Variants in FBXW12 observed in about 807,000 individuals in gnomAD.
FBXW12 encodes F-box/WD repeat-containing protein 12.
FBXW12 carries 43 observed loss-of-function variants against 55.3 expected under a neutral mutation model. The observed-to-expected ratio is 0.78, with a 90% confidence interval of 0.61 to 1.00. The LOEUF is 1.00. FBXW12 is among the 50% of genes least tolerant of loss of function. The pLI is 0.00. For synonymous variants in FBXW12, 184 were observed against 203.8 expected (o/e 0.90, Z 0.83); for missense variants, 524 against 560.5 (o/e 0.93, Z 0.66).
rs750262330 is a variant in FBXW12, at chr3:48,372,846, C to A, written c.79C>A (p.Gln27Lys). Residue 27 changes from glutamine (Q) to lysine (K), a missense_variant, in exon 2 of 11, where the codon CAG becomes AAG. Physicochemically the swap from Gln to Lys is moderately conservative, Grantham distance 53 (BLOSUM62 1). Coordinates refer to ENST00000296438, the MANE Select transcript of FBXW12 (RefSeq NM_207102.2). ...CCTGTTCGGCTTGCTGCAGGTTTCC[C>A]AGGTGAACAAGGTAAAGGCCTTCCA... Reference protein sequence around the residue: ...LDLFGLLQVSQVNKHWNRIAD... With the variant: ...LDLFGLLQVSKVNKHWNRIAD... The A allele has an allele frequency of 6.2e-7, 1 of 1,614,022 alleles. No individual in the cohort carries two copies. The highest frequency in any genetic ancestry group is 2.2e-5 in the East Asian group (1 of 44,904).
chr3:48,386,691 C>A (rs2036852674), intron 10 of FBXW12, among the ~76,000 whole-genome samples: 2 of 152,104 alleles, frequency 1.3e-5, no homozygotes, highest in African/African-American at 2.4e-5. Context: ...GTATATACAT[C>A]TTTTACCGCC....
intron 7 of FBXW12, chr3:48,380,261 C>T (rs1290160156): frequency 1.2e-5 from 2 of 162,268 alleles, no homozygotes; most frequent in African/African-American, 4.8e-5. Flanking sequence ...GAATATGCAA[C>T]AGCCTCTGAA....
Position 48,381,837 on chromosome 3 carries a change from C to G in FBXW12, c.1123C>G (p.Arg375Gly). Residue 375 changes from arginine to glycine, a missense_variant, in exon 9 of 11, where the codon CGA (arginine) becomes GGA (glycine). Coordinates refer to ENST00000296438, the MANE Select transcript of FBXW12 (RefSeq NM_207102.2). ...LFSITGFLLQRFEDHQAAINN... is the reference protein window; with the variant it reads ...LFSITGFLLQGFEDHQAAINN... ...CAGCATCACTGGCTTCCTGCTGCAA[C>G]GATTTGAGGACCATCAGGCAGCCAT... 1 of 1,608,462 alleles carries G rather than the reference C, an allele frequency of 6.2e-7. No homozygotes were observed. The highest frequency in any genetic ancestry group is 1.1e-5 in the South Asian group (1 of 90,504).
chr3:48,388,282 T>G (rs2036874272), intron 10 of FBXW12, among the ~76,000 whole-genome samples: 1 of 152,216 alleles, frequency 6.6e-6, no homozygotes, highest in Admixed American at 6.5e-5. Context: ...TAAGTAACAA[T>G]TAGATCACCT....
chr3:48,387,814 C>T (rs1430939948), intron 10 of FBXW12, among the ~76,000 whole-genome samples: 1 of 152,166 alleles, frequency 6.6e-6, no homozygotes, highest in East Asian at 1.9e-4. Flanking sequence ...ATCTGCCTAT[C>T]TAGGCCTCCC....
rs1014036613 is a variant in FBXW12, at chr3:48,380,585, T to C, written c.775-117T>C. 1.4e-5 allele frequency: 10 copies of C among 736,936 alleles called. No homozygotes were observed. In the African/African-American group the frequency reaches 1.4e-4, roughly 10 times the overall value. 45.6% of individuals were successfully genotyped at this position (736,936 alleles called of 1,614,324 possible). A position where few individuals can be genotyped will look rare whatever the true frequency, so the allele number is the denominator to read the frequency against. On this transcript the variant is annotated intron_variant, in intron 7 of 10. Transcript: ENST00000296438. ...GTGACCACTCATCACTCCTGAGATA[T>C]TGAACAAAGCTTTGGCCACAAGATG... is the stretch of plus-strand genomic sequence containing the variant.
intron 10 of FBXW12, among the ~76,000 whole-genome samples, chr3:48,384,970 T>C (rs2036825858): frequency 6.6e-6 from 1 of 152,294 alleles, no homozygotes; most frequent in South Asian, 2.1e-4. Flanking sequence ...CTTACTTTTG[T>C]GGTAAAAAAT....
In FBXW12 at chr3:48,378,318, G is replaced by T; in HGVS notation, c.407G>T (p.Gly136Val). Residue 136 changes from glycine to valine, a missense_variant and splice_region_variant, in exon 6 of 11, where the codon GGT becomes GTT. By Grantham distance (109) the Gly-to-Val change is moderately radical (BLOSUM62 -3). Coordinates refer to ENST00000296438, the MANE Select transcript of FBXW12 (RefSeq NM_207102.2). ...QELCAWDVQE[G>V]TMIWSSPVQE... ...GGTCGTGTTACTCTCGTTTTCTAGG[G>T]TACCATGATCTGGTCAAGCCCAGTC... 1 of 1,613,484 alleles carries T rather than the reference G, an allele frequency of 6.2e-7. No homozygotes were observed. The highest frequency in any genetic ancestry group is 8.5e-7 in the Non-Finnish European group (1 of 1,179,568).
chr3:48,374,144 C>A (rs1321295818), intron 4 of FBXW12, among the ~76,000 whole-genome samples: 2 of 150,876 alleles, frequency 1.3e-5, no homozygotes, highest in Admixed American at 6.6e-5. Flanking sequence ...CAAAGTGAGA[C>A]CCCCCCTCCA....
In FBXW12 at chr3:48,373,601, GCA is replaced by G. The variant is rs1270998340; in HGVS notation, c.191_192del (p.Thr64MetfsTer22). 1.9e-6 allele frequency: 3 copies of G among 1,613,982 alleles called. No homozygotes were observed. Among genetic ancestry groups the G allele is most frequent in the African/African-American group, 1.3e-5 (1 of 74,896 alleles). ...AGCAACTTCACCAATCAACACCTGG[GCA>G]CACACACATGGAAGCAATTTTTCCT... On this transcript the variant is annotated frameshift_variant, in exon 4 of 11. Transcript: ENST00000296438. LOFTEE classifies it high-confidence loss of function.
At chr3:48,393,850 C>G (rs2036966283) in intron 10 of FBXW12, among the ~76,000 whole-genome samples, 1 of 149,818 alleles carries the variant, frequency 6.7e-6, no homozygotes, top group Admixed American at 6.7e-5. Context: ...GCGATCTCGG[C>G]TCACTACAAC....
chr3:48,387,840 C>T (rs2036869081), intron 10 of FBXW12, among the ~76,000 whole-genome samples: 1 of 152,152 alleles, frequency 6.6e-6, no homozygotes, highest in African/African-American at 2.4e-5. Context: ...TCTGGGATTA[C>T]AGGCATGAGT....
chr3:48,386,351 G>A (rs2036848408), intron 10 of FBXW12, among the ~76,000 whole-genome samples: 1 of 152,202 alleles, frequency 6.6e-6, no homozygotes, highest in African/African-American at 2.4e-5. Flanking sequence ...GTTGGTCACT[G>A]TGCCTGATTT....
chr3:48,373,634 A>G lies in FBXW12; in HGVS notation c.215A>G (p.Gln72Arg). The change falls in exon 4 of 11, where the codon CAA (glutamine) becomes CGA (arginine). Residue 72 changes from glutamine to arginine, a missense_variant. Gln to Arg is a conservative substitution (Grantham distance 43). Coordinates refer to ENST00000296438, the MANE Select transcript of FBXW12 (RefSeq NM_207102.2). ...ACATGGAAGCAATTTTTCCTGCATC[A>G]AAGAAGGAAGGAGCTTCGGTTGGCA... ...THTWKQFFLH[Q>R]RRKELRLALA... The G allele has an allele frequency of 6.2e-7, 1 of 1,614,196 alleles. No homozygotes were observed. Among genetic ancestry groups the G allele is most frequent in the East Asian group, 2.2e-5 (1 of 44,880 alleles).
At chr3:48,380,483 T>C (rs2036749871) in intron 7 of FBXW12, among the ~76,000 whole-genome samples, 1 of 152,224 alleles carries the variant, frequency 6.6e-6, no homozygotes, top group Non-Finnish European at 1.5e-5. Context: ...CTTAGCATGC[T>C]TCAGGGACAT....
At position 48,381,551 on chromosome 3, in the gene FBXW12, G is replaced by C. The variant is rs1252043176; in HGVS notation, c.986-149G>C. 12 of 823,536 alleles carry C rather than the reference G, an allele frequency of 1.5e-5. No homozygotes were observed. The Admixed American group carries it at 4.0e-4, about 27-fold the overall frequency. The allele number at this position is 823,536 out of a possible 1,614,324, so 51.0% of individuals were successfully genotyped here. ...GTGATATGTATTTGTCAGGCCACTG[G>C]ACTACCCTTCATTTTCTTCCCCGGA... is the stretch of plus-strand genomic sequence containing the variant. On this transcript the variant is annotated intron_variant, in intron 8 of 10. Coordinates refer to ENST00000296438, the MANE Select transcript of FBXW12 (RefSeq NM_207102.2).
chr3:48,385,295 C>T (rs572223072), intron 10 of FBXW12, among the ~76,000 whole-genome samples: 67 of 152,036 alleles, frequency 4.4e-4, no homozygotes, highest in African/African-American at 1.5e-3. Flanking sequence ...TGCTGTTGCA[C>T]GTGACAAGAT....
chr3:48,385,289 GTTGCACGTGACAAGATTC>G (rs2036830902), intron 10 of FBXW12, among the ~76,000 whole-genome samples: 1 of 151,924 alleles, frequency 6.6e-6, no homozygotes, highest in Non-Finnish European at 1.5e-5. Context: ...CATCCATGCT[GTTGCACGTGACAAGATTC>G]CCTTCTTTTC....
intron 3 of FBXW12, 97 bp from the exon 4 acceptor site, chr3:48,373,451 G>A: frequency 6.2e-7 from 1 of 1,606,386 alleles, no homozygotes; most frequent in African/African-American, 1.3e-5. Flanking sequence ...GATATACACA[G>A]GAAAGTTAGT....
Sources: allele counts gnomAD v4.1 joint callset (sites outside exome capture counted in the v4.1 genomes callset), GRCh38; gene constraint gnomAD v4.1.1; transcripts MANE v1.5; gene names NCBI Gene and HGNC (gene_info 2026-07-23, HGNC 2026-07-21).